The following IGSF9B variants were observed in gnomAD, a reference collection of about 807,000 sequenced individuals.
The protein encoded by IGSF9B is immunoglobulin superfamily member 9B.
IGSF9B carries 48 observed loss-of-function variants against 143.7 expected under a neutral mutation model. That is an observed-to-expected ratio of 0.33 (90% confidence interval 0.26 to 0.42). The LOEUF is 0.42. IGSF9B is among the 20% of genes least tolerant of loss of function. The probability of loss-of-function intolerance (pLI) is 1.00; values close to 1 mark genes in which losing one functional copy is unlikely to be tolerated. For synonymous variants in IGSF9B, 903 were observed against 833.1 expected (o/e 1.08, Z -1.44); for missense variants, 1,706 against 1,980.0 (o/e 0.86, Z 2.63).
At position 133,944,221 on chromosome 11, in the gene IGSF9B, G is replaced by A. The variant is rs763839493; in HGVS notation, c.408C>T (p.Asn136=). The A allele has an allele frequency of 4.3e-5, 69 of 1,600,800 alleles. No individual in the cohort carries two copies. Among genetic ancestry groups the A allele is most frequent in the Middle Eastern group, 3.3e-4 (2 of 6,008 alleles). ...CCCACCCTGGAAGCCGTCACTCACC[G>A]TTGATGGTGAGGTGGACCCAGCTGC... ...HNGSWVHLTI[N]APPTFTETPP... The change falls in exon 3 of 20, where the codon AAC becomes AAT. Residue 136 remains asparagine, a splice_region_variant and synonymous_variant. Transcript: ENST00000533871.
At chr11:133,915,238 C>A (rs545837988) in intron 18 of IGSF9B, among the ~76,000 whole-genome samples, 2 of 148,324 alleles carry the variant, frequency 1.3e-5, no homozygotes, top group Non-Finnish European at 3.0e-5. Context: ...GAACTACCAA[C>A]AATTGCCTGG....
chr11:133,940,469 C>T (rs368757258), intron 3 of IGSF9B, among the ~76,000 whole-genome samples: 1 of 144,092 alleles, frequency 6.9e-6, no homozygotes, highest in Non-Finnish European at 1.5e-5. Context: ...CGTCCTCGCA[C>T]GCGTCATCGC....
rs570339893 is a variant in IGSF9B at position 133,920,633 on chromosome 11, G to C, written c.3092C>G (p.Pro1031Arg). 2 of 1,613,520 alleles carry C rather than the reference G, an allele frequency of 1.2e-6. No individual in the cohort carries two copies. The highest frequency in any genetic ancestry group is 1.7e-5 in the Admixed American group (1 of 60,030). Reference sequence around the variant, plus strand: ...GGGCTCAGGGGAGCGCCCTCCTGTAGGTGTCTGAGTCAAGGGCAGCGTGCT... The same window carrying C: ...GGGCTCAGGGGAGCGCCCTCCTGTACGTGTCTGAGTCAAGGGCAGCGTGCT... ...SNSTLPLTQT[P>R]TGGRSPEPWG... is the part of the protein sequence containing the mutation. Residue 1031 changes from proline to arginine, a missense_variant, in exon 18 of 20, where the codon CCT (proline) becomes CGT (arginine). Pro to Arg is a moderately radical substitution (Grantham distance 103, BLOSUM62 -2). This residue lies in a region of IGSF9B where 880 missense variants were observed against 762.9 expected (regional missense o/e 1.15). Coordinates refer to ENST00000533871, the MANE Select transcript of IGSF9B (RefSeq NM_001277285.4).
Position 133,951,399 on chromosome 11 carries a change from G to A in IGSF9B, c.65-5141C>T, listed in dbSNP as rs536947388. On this transcript the variant is annotated intron_variant, in intron 1 of 19. Transcript: ENST00000533871. ...CAAACCTCTCAGGTTCGGAAGCCAC[G>A]GGTCAGGGAGCCCCAGCCGCTCCTT... 9.2e-5 allele frequency among the ~76,000 whole-genome samples: 14 copies of A among 152,258 alleles called. No individual in the cohort carries two copies. In the East Asian group the frequency reaches 2.5e-3, roughly 27 times the overall value.
rs1939669964 is a variant in IGSF9B, at chr11:133,928,556, G to A, written c.1631+1115C>T. ...CCCTCGAGCTCCCCCTCCTCGAGTT[G>A]AGCCTGGCTAGAGAGACACCTGCAG... On this transcript the variant is annotated intron_variant, in intron 12 of 19. Transcript: ENST00000533871. This position sits in a 1 kb window ranked among gnomAD's most constrained non-coding sequence, Gnocchi z 4.7. Among the ~76,000 whole-genome samples the A allele has an allele frequency of 6.6e-6, 1 of 152,104 alleles. No individual in the cohort carries two copies. Among genetic ancestry groups the A allele is most frequent in the East Asian group, 1.9e-4 (1 of 5,176 alleles).
At chr11:133,936,227 C>A in intron 5 of IGSF9B, 33 bp from the exon 6 acceptor site, 1 of 1,592,922 alleles carries the variant, frequency 6.3e-7, no homozygotes, top group East Asian at 2.3e-5. Flanking sequence ...CCCACCTCGC[C>A]TGATCAGGGA....
In IGSF9B at chr11:133,919,891, C is replaced by T. The variant is rs1939480798; in HGVS notation, c.3834G>A (p.Leu1278=). The change falls in exon 18 of 20, where the codon CTG becomes CTA. Residue 1278 remains leucine (L), a synonymous_variant. Transcript: ENST00000533871. The part of the protein sequence containing the change: ...SYRPAMGFTT[L]ATGYPSPPPG... ...GTGGAGGGGAAGGGTAGCCGGTGGC[C>T]AGAGTGGTGAAGCCCATGGCGGGCC... 2 of 1,584,460 alleles carry T rather than the reference C, an allele frequency of 1.3e-6. No homozygotes were observed. Among genetic ancestry groups the T allele is most frequent in the African/African-American group, 2.7e-5 (2 of 73,990 alleles).
intron 18 of IGSF9B, chr11:133,919,129 T>TTGGGGGGGGGGGGGGGG: frequency 5.7e-6 from 1 of 174,380 alleles, no homozygotes; most frequent in Non-Finnish European, 1.1e-5. Flanking sequence ...GGGGGGGGGG[T>TTGGGGGGGGGGGGGGGG]GGGGGACGTG....
In IGSF9B at chr11:133,898,526, G is replaced by A. The variant is rs1159272724; in HGVS notation, c.*10543C>T. On this transcript the variant is annotated 3_prime_UTR_variant, in exon 20 of 20. Transcript: ENST00000533871. ...TGAAGACCAAGGGGCAGGAGTCACT[G>A]ACATGAAGCGGGATGTGGTCCCTTC... 6.5e-6 allele frequency: 1 copy of A among 154,366 alleles called. No homozygotes were observed. Among genetic ancestry groups the A allele is most frequent in the East Asian group, 1.9e-4 (1 of 5,188 alleles). 9.6% of individuals were successfully genotyped at this position (154,366 alleles called of 1,614,324 possible).
chr11:133,929,764 G>A lies in IGSF9B; in HGVS notation c.1538C>T (p.Pro513Leu), dbSNP rs757884632. ...GGAGACCTGGACCCGGACACTGCCC[G>A]GGGCATGGGGGCTGGTGCCTGGAGA... is the stretch of plus-strand genomic sequence containing the variant. ...LTVIGTSPHA[P>L]GSVRVQVSMT... Residue 513 changes from proline (P) to leucine (L), a missense_variant, in exon 12 of 20, where the codon CCG becomes CTG. This residue lies in a region of IGSF9B where 267 missense variants were observed against 321.1 expected (regional missense o/e 0.83). Transcript: ENST00000533871. 4 of 1,613,298 alleles carry A rather than the reference G, an allele frequency of 2.5e-6. No homozygotes were observed. Among genetic ancestry groups the A allele is most frequent in the Admixed American group, 1.7e-5 (1 of 60,020 alleles).
At chr11:133,936,316 G>A (rs138386186) in intron 5 of IGSF9B, 122 bp from the exon 6 acceptor site, 1 of 829,422 alleles carries the variant, frequency 1.2e-6, no homozygotes, top group Non-Finnish European at 1.9e-6. Context: ...GGGGGCGGCT[G>A]TCATGGAGAC....
In IGSF9B at chr11:133,935,806, G is replaced by C. The variant is rs1031659059; in HGVS notation, c.822-44C>G. The C allele has an allele frequency of 3.8e-6, 6 of 1,593,268 alleles. No homozygotes were observed. In the African/African-American group the frequency reaches 8.0e-5, roughly 21 times the overall value. On this transcript the variant is annotated intron_variant, in intron 6 of 19. Coordinates refer to ENST00000533871, the MANE Select transcript of IGSF9B (RefSeq NM_001277285.4). ...ACAGGGGGTTGGGCGAGCAGAAGGG[G>C]ATCTTGCCGCAGACACACAGTCACC...
intron 6 of IGSF9B, 37 bp from the exon 7 acceptor site, chr11:133,935,799 A>G: frequency 1.2e-6 from 2 of 1,600,222 alleles, no homozygotes; most frequent in Non-Finnish European, 1.7e-6. Context: ...TTGGGCGAGC[A>G]GAAGGGGATC....
rs1164072215 is a variant in IGSF9B at position 133,903,344 on chromosome 11, G to A, written c.*5725C>T. Among the ~76,000 whole-genome samples the A allele has an allele frequency of 5.3e-5, 8 of 152,080 alleles. No homozygotes were observed. The highest frequency in any genetic ancestry group is 2.1e-4 in the South Asian group (1 of 4,822). On this transcript the variant is annotated 3_prime_UTR_variant, in exon 20 of 20. Transcript: ENST00000533871. Reference sequence around the variant, plus strand: ...GACAGGAGCTGAGCATTTGAGCCACGGGGTTAAAACTGTCCAATCTAGCTC... The same window carrying A: ...GACAGGAGCTGAGCATTTGAGCCACAGGGTTAAAACTGTCCAATCTAGCTC...
intron 3 of IGSF9B, among the ~76,000 whole-genome samples, chr11:133,940,388 G>A (rs11223632): frequency 0.16 from 20,949 of 131,190 alleles, 2,112 homozygotes; most frequent in East Asian, 0.47. Context: ...CCTCGCATGC[G>A]TCATCGCATG....
intron 18 of IGSF9B, chr11:133,912,353 G>A (rs532012853): frequency 2.0e-4 from 99 of 486,150 alleles, no homozygotes; most frequent in Non-Finnish European, 3.3e-4. Flanking sequence ...TAGGCTGAAC[G>A]TCTGGAGTTC....
rs967999088 is a variant in IGSF9B, at chr11:133,944,292, A to C, written c.337T>G (p.Cys113Gly). The change falls in exon 3 of 20, where the codon TGC becomes GGC. Residue 113 changes from cysteine to glycine, a missense_variant. Transcript: ENST00000533871. ...TGCTGGTCCAGCATGAGCACTTTGC[A>C]CTCATACCAGCCCTGGTCCTCAGAG... ...VRSEDQGWYECKVLMLDQQYD... is the reference protein window; with the variant it reads ...VRSEDQGWYEGKVLMLDQQYD... The C allele has an allele frequency of 1.2e-6, 2 of 1,613,746 alleles. No homozygotes were observed. The highest frequency in any genetic ancestry group is 1.7e-6 in the Non-Finnish European group (2 of 1,179,838).
At chr11:133,955,203 A>C (rs1940228696) in intron 1 of IGSF9B, among the ~76,000 whole-genome samples, 2 of 152,160 alleles carry the variant, frequency 1.3e-5, no homozygotes, top group Admixed American at 1.3e-4. Flanking sequence ...CTACAGGCAG[A>C]CTGTCAAGCG....
chr11:133,946,292 A>T (rs1312623996), intron 1 of IGSF9B, 34 bp from the exon 2 acceptor site: 3 of 1,586,082 alleles, frequency 1.9e-6, no homozygotes, highest in Non-Finnish European at 1.7e-6. Flanking sequence ...CACAGAAAGG[A>T]GGTGACAAAG....
Sources: allele counts gnomAD v4.1 joint callset (sites outside exome capture counted in the v4.1 genomes callset), GRCh38; gene constraint gnomAD v4.1.1; regional missense constraint gnomAD v4.1.1; non-coding constraint Gnocchi (gnomAD v3.1); transcripts MANE v1.5; gene names NCBI Gene and HGNC (gene_info 2026-07-23, HGNC 2026-07-21).